TMEM62: variants seen among roughly 807,000 people sequenced by gnomAD.
TMEM62 encodes transmembrane protein 62.
In TMEM62, 41 loss-of-function variants were observed where a neutral mutation model predicts 70.4. That is an observed-to-expected ratio of 0.58 (90% CI 0.45 to 0.76). The LOEUF (loss-of-function observed/expected upper bound fraction) is 0.76, where lower values mean the gene tolerates loss of function less well. Among genes scored for constraint, TMEM62 ranks in the 30% least tolerant of loss-of-function variants. The pLI, the probability that TMEM62 is intolerant of heterozygous loss-of-function variation, is 0.00. For synonymous variants in TMEM62, 268 were observed against 291.0 expected (o/e 0.92, Z 0.80); for missense variants, 688 against 788.5 (o/e 0.87, Z 1.53).
chr15:43,182,859 T>A (rs1268107237), intron 13 of TMEM62, among the ~76,000 whole-genome samples: 5 of 152,246 alleles, frequency 3.3e-5, no homozygotes, highest in Non-Finnish European at 7.3e-5. Context: ...CCTTTGTAAA[T>A]GTTTACATTC....
rs1284952214 is a variant in TMEM62, at chr15:43,135,667, G to C, written c.430+18G>C. The C allele has an allele frequency of 6.4e-7, 1 of 1,568,510 alleles. No individual in the cohort carries two copies. Among genetic ancestry groups the C allele is most frequent in the East Asian group, 2.3e-5 (1 of 44,244 alleles). On this transcript the variant is annotated intron_variant, in intron 3 of 13. Transcript: ENST00000260403. ...AAATCATGGTAAGAGCCAAGAGCCA[G>C]ATACAATAAAGACAAGAGTTTTTTT...
Position 43,184,987 on chromosome 15 carries a change from T to G in TMEM62, c.*401T>G, listed in dbSNP as rs761794152. On this transcript the variant is annotated 3_prime_UTR_variant, in exon 14 of 14. Transcript: ENST00000260403. ...TTCAGCAGCTGTCAAAGGTGCAATT[T>G]CAGGGGCAGGGAACCTTTGAGGATC... The G allele has an allele frequency of 4.0e-6, 1 of 252,836 alleles. No homozygotes were observed. Among genetic ancestry groups the G allele is most frequent in the Non-Finnish European group, 7.7e-6 (1 of 130,018 alleles). The allele number at this position is 252,836 out of a possible 1,614,324, so 15.7% of individuals were successfully genotyped here. A position where few individuals can be genotyped will look rare whatever the true frequency, so the allele number is the denominator to read the frequency against.
rs760482595 is a variant in TMEM62, at chr15:43,184,657, A to T, written c.*71A>T. 538 of 1,398,524 alleles carry T rather than the reference A, an allele frequency of 3.8e-4. No homozygotes were observed. Among genetic ancestry groups the T allele is most frequent in the South Asian group, 7.9e-4 (62 of 78,162 alleles). 86.6% of individuals were successfully genotyped at this position (1,398,524 alleles called of 1,614,324 possible). A position where few individuals can be genotyped will look rare whatever the true frequency, so the allele number is the denominator to read the frequency against. On this transcript the variant is annotated 3_prime_UTR_variant, in exon 14 of 14. Coordinates refer to ENST00000260403, the MANE Select transcript of TMEM62 (RefSeq NM_024956.4). ...TGTCTGTAGCCCAGGCCTCTACCCC[A>T]GTAGCAGGTGGAGGGCCAGGATTGG...
At chr15:43,138,664 T>C (rs1202578839) in intron 4 of TMEM62, 45 bp downstream of exon 4, 1 of 1,448,540 alleles carries the variant, frequency 6.9e-7, no homozygotes, top group Non-Finnish European at 9.5e-7. Flanking sequence ...GAGTCAGTGT[T>C]ATAAGGAGGG....
chr15:43,158,990 G>T (rs1285561799), intron 9 of TMEM62, among the ~76,000 whole-genome samples: 1 of 152,034 alleles, frequency 6.6e-6, no homozygotes, highest in African/African-American at 2.4e-5. Flanking sequence ...TGACTACTAA[G>T]CCCTTTGACA....
At chr15:43,161,952 A>G (rs1247590119) in intron 10 of TMEM62, among the ~76,000 whole-genome samples, 1 of 151,692 alleles carries the variant, frequency 6.6e-6, no homozygotes, top group Admixed American at 6.6e-5. Context: ...ATGAGCCACC[A>G]TGCCCAGCTT....
upstream of TMEM62, chr15:43,133,405 A>G (rs2034669446): frequency 1.7e-5 from 3 of 181,422 alleles, no homozygotes; most frequent in Admixed American, 1.2e-4. Flanking sequence ...TTTTACAGGT[A>G]AGGAGATCGA....
chr15:43,158,795 T>A (rs114912371), intron 9 of TMEM62, among the ~76,000 whole-genome samples: 2 of 152,228 alleles, frequency 1.3e-5, no homozygotes, highest in African/African-American at 4.8e-5. Context: ...GTTTTCAGAA[T>A]AATGAGTTGG....
At chr15:43,182,941 C>T (rs2041494056) in intron 13 of TMEM62, among the ~76,000 whole-genome samples, 2 of 152,218 alleles carry the variant, frequency 1.3e-5, no homozygotes, top group Non-Finnish European at 2.9e-5. Flanking sequence ...AAATCTATAT[C>T]TCTGATCTAG....
intron 4 of TMEM62, among the ~76,000 whole-genome samples, chr15:43,143,906 G>A (rs1049241992): frequency 2.0e-5 from 3 of 152,160 alleles, no homozygotes; most frequent in Non-Finnish European, 2.9e-5. Flanking sequence ...ATCCCTAGTT[G>A]GATAGTGTGA....
chr15:43,133,835 G>A lies in TMEM62; in HGVS notation c.33G>A (p.Ala11=), dbSNP rs765356015. 17 of 1,455,016 alleles carry A rather than the reference G, an allele frequency of 1.2e-5. No individual in the cohort carries two copies. The East Asian group carries it at 4.4e-4, about 38-fold the overall frequency. 90.1% of individuals were successfully genotyped at this position (1,455,016 alleles called of 1,614,324 possible). ...CAGTGCTGGCTCTCAGGGTGGTCGCGGGGTTGGCGGCCGCAGCGCTGGTGG... is the reference window on the plus strand; with the variant it reads ...CAGTGCTGGCTCTCAGGGTGGTCGCAGGGTTGGCGGCCGCAGCGCTGGTGG... MAAVLALRVV[A]GLAAAALVAM... is the part of the protein sequence containing the mutation. Residue 11 remains alanine (A), a synonymous_variant, in exon 1 of 14, where the codon GCG becomes GCA. Transcript: ENST00000260403.
Position 43,133,949 on chromosome 15 carries a change from G to T in TMEM62, c.147G>T (p.Gly49=). Residue 49 remains glycine (G), a synonymous_variant, in exon 1 of 14, where the codon GGG becomes GGT. Coordinates refer to ENST00000260403, the MANE Select transcript of TMEM62 (RefSeq NM_024956.4). ...CCAGGAGGCCGCACCCTGCGCCAGG[G>T]CCCGGAGACAGCAACATCTTCTGGG... is the stretch of plus-strand genomic sequence containing the variant. ...APPRRPHPAP[G]PGDSNIFWGL... is the part of the protein sequence containing the mutation. 1 of 1,468,246 alleles carries T rather than the reference G, an allele frequency of 6.8e-7. No individual in the cohort carries two copies. The highest frequency in any genetic ancestry group is 8.9e-7 in the Non-Finnish European group (1 of 1,119,802). The allele number at this position is 1,468,246 out of a possible 1,614,324, so 91.0% of individuals were successfully genotyped here.
chr15:43,157,266 T>G (rs1426840183), intron 9 of TMEM62, among the ~76,000 whole-genome samples: 1 of 152,162 alleles, frequency 6.6e-6, no homozygotes, highest in Non-Finnish European at 1.5e-5. Context: ...ATCTGAAATC[T>G]ACTGAATCAG....
At chr15:43,168,191 G>C (rs1596323013) in intron 10 of TMEM62, among the ~76,000 whole-genome samples, 1 of 140,406 alleles carries the variant, frequency 7.1e-6, no homozygotes, top group South Asian at 2.3e-4. Context: ...GAGAGGGAGA[G>C]GGAGAGGGAG....
At chr15:43,169,904 T>C in intron 11 of TMEM62, 1 of 412,406 alleles carries the variant, frequency 2.4e-6, no homozygotes, top group Non-Finnish European at 4.3e-6. Flanking sequence ...AAGCAATACA[T>C]GGAAGGTATG....
intron 7 of TMEM62, among the ~76,000 whole-genome samples, chr15:43,149,763 G>A (rs2037140587): frequency 6.6e-6 from 1 of 152,104 alleles, no homozygotes; most frequent in Admixed American, 6.5e-5. Flanking sequence ...GTCTATGCAT[G>A]ACAATTTGAG....
chr15:43,179,360 T>C (rs2041122237), intron 12 of TMEM62, among the ~76,000 whole-genome samples: 1 of 152,218 alleles, frequency 6.6e-6, no homozygotes, highest in Non-Finnish European at 1.5e-5. Flanking sequence ...AGATGAGCAA[T>C]AGTTCAGGCA....
chr15:43,176,853 T>C (rs1270763259), intron 11 of TMEM62, among the ~76,000 whole-genome samples: 1 of 151,978 alleles, frequency 6.6e-6, no homozygotes, highest in Non-Finnish European at 1.5e-5. Context: ...CTTTGACAAG[T>C]TGAGAGAAGA....
chr15:43,168,202 AGGGAGAGGGAGAGGGG>A (rs2039796374), intron 10 of TMEM62, among the ~76,000 whole-genome samples: 1 of 145,058 alleles, frequency 6.9e-6, no homozygotes, highest in African/African-American at 2.6e-5. Context: ...GGAGAGGGAG[AGGGAGAGGGAGAGGGG>A]TCTTTTGTTT....
Sources: gnomAD v4.1 joint callset for allele counts (sites outside exome capture counted in the v4.1 genomes callset) on GRCh38, gnomAD v4.1.1 for gene constraint, MANE v1.5 for transcripts, NCBI Gene and HGNC (gene_info 2026-07-23, HGNC 2026-07-21) for gene names.